The following ADAMTS2 variants were observed in gnomAD, a reference collection of about 807,000 sequenced individuals.
ADAMTS2 encodes A disintegrin and metalloproteinase with thrombospondin motifs 2.
ADAMTS2 carries 50 observed loss-of-function variants against 123.0 expected under a neutral mutation model. That is an observed-to-expected ratio of 0.41 (90% CI 0.32 to 0.51). ADAMTS2 has a LOEUF of 0.51. Ranked by LOEUF, ADAMTS2 falls within the 20% of genes least tolerant of loss-of-function variation. The pLI is 0.35. For missense variants in ADAMTS2, 1,494 were observed against 1,705.2 expected (o/e 0.88, Z 2.18); for synonymous variants, 678 against 695.4 (o/e 0.98, Z 0.39).
In ADAMTS2 at chr5:179,112,496, G is replaced by A. The variant is rs1762586474; in HGVS notation, c.*1371C>T. 1 of 152,180 alleles carries A rather than the reference G, an allele frequency of 6.6e-6. No individual in the cohort carries two copies. Among genetic ancestry groups the A allele is most frequent in the Admixed American group, 6.5e-5 (1 of 15,278 alleles). 9.4% of individuals were successfully genotyped at this position (152,180 alleles called of 1,614,324 possible). On this transcript the variant is annotated 3_prime_UTR_variant, in exon 22 of 22. Transcript: ENST00000251582. ...AAGCACCATTCTCTGGAAAATAGGA[G>A]CTATTAAAGTTTTCAAGGAGCAAAA...
rs769653741 is a variant in ADAMTS2 at position 179,132,306 on chromosome 5, G to A, written c.2214C>T (p.Tyr738=). 6 of 1,614,092 alleles carry A rather than the reference G, an allele frequency of 3.7e-6. No homozygotes were observed. Among genetic ancestry groups the A allele is most frequent in the African/African-American group, 2.7e-5 (2 of 75,060 alleles). ...TFTRSPKKHG[Y]IKMFEIPAGA... ...CTGCAGGGATCTCAAACATCTTGATGTAACCTTTTTTTGATGTGGAAAGAC... is the reference window on the plus strand; with the variant it reads ...CTGCAGGGATCTCAAACATCTTGATATAACCTTTTTTTGATGTGGAAAGAC... Residue 738 remains tyrosine, a synonymous_variant, in exon 15 of 22, where the codon TAC becomes TAT. Coordinates refer to ENST00000251582, the MANE Select transcript of ADAMTS2 (RefSeq NM_014244.5). The surrounding 1 kb of genome is among the most constrained non-coding windows in gnomAD (Gnocchi z 6.1).
chr5:179,199,676 C>T (rs771208922), intron 4 of ADAMTS2, among the ~76,000 whole-genome samples: 8 of 152,156 alleles, frequency 5.3e-5, no homozygotes, highest in Non-Finnish European at 1.0e-4. Context: ...AGCCTCCCCT[C>T]GGCAGGATTC....
In ADAMTS2 at chr5:179,329,978, T is replaced by G. The variant is rs1757437359; in HGVS notation, c.534+13789A>C. On this transcript the variant is annotated intron_variant, in intron 2 of 21. Coordinates refer to ENST00000251582, the MANE Select transcript of ADAMTS2 (RefSeq NM_014244.5). ...CGTCTCTACTAAAAATACAAAAAAT[T>G]AGCCGGGCGCGGTGGCGGGCGCCTG... Among the ~76,000 whole-genome samples the G allele has an allele frequency of 2.0e-5, 3 of 150,204 alleles. No homozygotes were observed. In the South Asian group the frequency reaches 6.5e-4, roughly 32 times the overall value.
chr5:179,160,765 G>C (rs1237300267), intron 5 of ADAMTS2, among the ~76,000 whole-genome samples: 1 of 152,230 alleles, frequency 6.6e-6, no homozygotes, highest in Non-Finnish European at 1.5e-5. Context: ...CAGACCAGAG[G>C]AAGCTGGAGG....
At chr5:179,187,187 A>G (rs1042603598) in intron 4 of ADAMTS2, among the ~76,000 whole-genome samples, 1 of 152,152 alleles carries the variant, frequency 6.6e-6, no homozygotes, top group Non-Finnish European at 1.5e-5. Flanking sequence ...TTTGAAAAAA[A>G]AGACTCATCC....
chr5:179,263,470 C>T (rs192639099), intron 3 of ADAMTS2, among the ~76,000 whole-genome samples: 2 of 152,244 alleles, frequency 1.3e-5, no homozygotes, highest in Non-Finnish European at 2.9e-5. Flanking sequence ...ACCAGACCAG[C>T]GCACCAGCCA....
rs1363533059 is a variant in ADAMTS2 at position 179,260,615 on chromosome 5, C to T, written c.688+12296G>A. Among the ~76,000 whole-genome samples, 1 of 152,176 alleles carries T rather than the reference C, an allele frequency of 6.6e-6. No individual in the cohort carries two copies. The highest frequency in any genetic ancestry group is 1.5e-5 in the Non-Finnish European group (1 of 68,036). On this transcript the variant is annotated intron_variant, in intron 3 of 21. Transcript: ENST00000251582. This position sits in a 1 kb window ranked among gnomAD's most constrained non-coding sequence, Gnocchi z 4.2. The stretch of plus-strand genomic sequence containing the variant: ...CCCTGGGTTCTAAGCCTGCTCCTCC[C>T]TCCTGATGCAGGAGTCAAAAGGCCT...
At position 179,234,984 on chromosome 5, in the gene ADAMTS2, C is replaced by G. The variant is rs779800097; in HGVS notation, c.689-27269G>C. ...CCTCCCAGGGACCTGCTCATGTTCC[C>G]GCAACGCCCTTACAGCCATGGGTCC... is the stretch of plus-strand genomic sequence containing the variant. On this transcript the variant is annotated intron_variant, in intron 3 of 21. Coordinates refer to ENST00000251582, the MANE Select transcript of ADAMTS2 (RefSeq NM_014244.5). This position sits in a 1 kb window ranked among gnomAD's most constrained non-coding sequence, Gnocchi z 4.7. 1.3e-5 allele frequency among the ~76,000 whole-genome samples: 2 copies of G among 152,216 alleles called. No homozygotes were observed. The highest frequency in any genetic ancestry group is 2.9e-5 in the Non-Finnish European group (2 of 68,044).
chr5:179,203,600 C>G (rs1228451563), intron 4 of ADAMTS2, among the ~76,000 whole-genome samples: 2 of 152,350 alleles, frequency 1.3e-5, no homozygotes, highest in East Asian at 3.9e-4. Flanking sequence ...AGGCCCAACC[C>G]TGCCCTGTTC....
chr5:179,153,952 C>T lies in ADAMTS2; in HGVS notation c.1382+97G>A, dbSNP rs528675704. 3.0e-4 allele frequency: 449 copies of T among 1,488,682 alleles called. 1 individual carries two copies. The highest frequency in any genetic ancestry group is 1.8e-3 in the African/African-American group (132 of 72,442). 92.2% of individuals were successfully genotyped at this position (1,488,682 alleles called of 1,614,324 possible). ...CACACAAGCTTAGAGGACCTGAGGT[C>T]GGAGGGCTCTGGCTCTGGTGCATGG... On this transcript the variant is annotated intron_variant, in intron 8 of 21. Coordinates refer to ENST00000251582, the MANE Select transcript of ADAMTS2 (RefSeq NM_014244.5).
chr5:179,333,847 G>A (rs1757541562), intron 2 of ADAMTS2, among the ~76,000 whole-genome samples: 2 of 152,016 alleles, frequency 1.3e-5, no homozygotes, highest in South Asian at 2.1e-4. Flanking sequence ...TGATCTGCCC[G>A]CCTCAGCCTC....
chr5:179,243,831 T>C (rs1292980946), intron 3 of ADAMTS2, among the ~76,000 whole-genome samples: 1 of 152,178 alleles, frequency 6.6e-6, no homozygotes, highest in African/African-American at 2.4e-5. Flanking sequence ...AAATAAAGAC[T>C]ATCAATAAAG....
intron 3 of ADAMTS2, among the ~76,000 whole-genome samples, chr5:179,231,160 G>T (rs11249617): frequency 0.21 from 31,738 of 152,070 alleles, 4,141 homozygotes; most frequent in East Asian, 0.6. Context: ...GGACAAATAC[G>T]GCACTCGTCC....
In ADAMTS2 at chr5:179,129,874, A is replaced by G; in HGVS notation, c.2457+58T>C. 2 of 1,602,574 alleles carry G rather than the reference A, an allele frequency of 1.2e-6. No homozygotes were observed. The highest frequency in any genetic ancestry group is 8.5e-7 in the Non-Finnish European group (1 of 1,173,284). On this transcript the variant is annotated intron_variant, in intron 16 of 21. Transcript: ENST00000251582. The surrounding 1 kb of genome is among the most constrained non-coding windows in gnomAD (Gnocchi z 4.1). ...GAGGCTCAGCGTCCCAGGCACCCCC[A>G]TCCCTCCCCCAGTGGCCACCCGCAC... is the stretch of plus-strand genomic sequence containing the variant.
At chr5:179,214,888 T>A (rs462646) in intron 3 of ADAMTS2, among the ~76,000 whole-genome samples, 3 of 149,544 alleles carry the variant, frequency 2.0e-5, no homozygotes, top group African/African-American at 7.4e-5. Context: ...AATTATTCTC[T>A]GTCAAATAAT....
chr5:179,344,590 G>C (rs1757885138), intron 1 of ADAMTS2, among the ~76,000 whole-genome samples: 1 of 152,220 alleles, frequency 6.6e-6, no homozygotes, highest in Admixed American at 6.5e-5. Context: ...CCCCTCGGCG[G>C]GCCCCTGCCG....
intron 4 of ADAMTS2, 78 bp downstream of exon 4, chr5:179,207,435 C>G: frequency 6.7e-7 from 1 of 1,490,514 alleles, no homozygotes; most frequent in Non-Finnish European, 9.3e-7. Flanking sequence ...GGACCTGGCC[C>G]AGCTGGGCCT....
At position 179,162,383 on chromosome 5, in the gene ADAMTS2, GC is replaced by G. The variant is rs1232302512; in HGVS notation, c.976-3505del. 1.3e-5 allele frequency among the ~76,000 whole-genome samples: 2 copies of G among 152,126 alleles called. No homozygotes were observed. The highest frequency in any genetic ancestry group is 2.9e-5 in the Non-Finnish European group (2 of 68,006). On this transcript the variant is annotated intron_variant, in intron 5 of 21. Transcript: ENST00000251582. The surrounding 1 kb of genome is among the most constrained non-coding windows in gnomAD (Gnocchi z 5.1). ...AGGTGGGGGGCCTGCAGCGGCTGGA[GC>G]CCCCCTGCACTACAGGAGACCCCCC...
At chr5:179,316,773 C>T (rs1394099265) in intron 2 of ADAMTS2, among the ~76,000 whole-genome samples, 1 of 152,034 alleles carries the variant, frequency 6.6e-6, no homozygotes, top group Non-Finnish European at 1.5e-5. Context: ...CCCATCTCTA[C>T]AAAAAATAAA....
Sources: gnomAD v4.1 joint callset for allele counts (sites outside exome capture counted in the v4.1 genomes callset) on GRCh38, gnomAD v4.1.1 for gene constraint, Gnocchi (gnomAD v3.1) non-coding constraint, MANE v1.5 for transcripts, NCBI Gene and HGNC (gene_info 2026-07-23, HGNC 2026-07-21) for gene names.